TOX2: variants seen among roughly 807,000 people sequenced by gnomAD.
TOX2 encodes the protein TOX high mobility group box family member 2.
TOX2 carries 15 observed loss-of-function variants against 47.4 expected under a neutral mutation model. The observed-to-expected ratio is 0.32, with a 90% CI of 0.21 to 0.49. The LOEUF is 0.49. Ranked by LOEUF, TOX2 falls within the 20% of genes least tolerant of loss-of-function variation. The probability of loss-of-function intolerance (pLI) is 0.99; values close to 1 mark genes in which losing one functional copy is unlikely to be tolerated. For synonymous variants in TOX2, 290 were observed against 296.6 expected, an observed-to-expected ratio of 0.98 and a Z score of 0.23; for missense variants, 622 against 673.1, an observed-to-expected ratio of 0.92 and a Z score of 0.84.
intron 5 of TOX2, among the ~76,000 whole-genome samples, chr20:44,061,519 T>C (rs1233160518): frequency 6.8e-6 from 1 of 148,098 alleles, no homozygotes; most frequent in Admixed American, 6.7e-5. Flanking sequence ...TTATAGTGAA[T>C]GGGGAAAAAT....
At position 43,995,660 on chromosome 20, in the gene TOX2, C is replaced by A. The variant is rs142826498; in HGVS notation, c.166-10887C>A. On this transcript the variant is annotated intron_variant, in intron 2 of 8. Coordinates refer to ENST00000341197, the MANE Select transcript of TOX2 (RefSeq NM_001098797.2). ...CATTAGTTATTTTTTCTGCTCCTCT[C>A]CCTCCTCCCACCCTCAAGTAGAACC... Among the ~76,000 whole-genome samples the A allele has an allele frequency of 7.3e-3, 1,119 of 152,256 alleles. 11 individuals are homozygous for A. Among genetic ancestry groups the A allele is most frequent in the African/African-American group, 0.026 (1,062 of 41,532 alleles).
At chr20:44,013,684 C>A (rs1282437783) in intron 3 of TOX2, among the ~76,000 whole-genome samples, 2 of 152,202 alleles carry the variant, frequency 1.3e-5, no homozygotes, top group Non-Finnish European at 2.9e-5. Flanking sequence ...TTGTTTTGAT[C>A]TGGACTGATT....
intron 2 of TOX2, among the ~76,000 whole-genome samples, chr20:43,980,043 A>G (rs576682891): frequency 6.6e-6 from 1 of 152,360 alleles, no homozygotes; most frequent in African/African-American, 2.4e-5. Flanking sequence ...CCCCAAAGAA[A>G]GGAAATCAGT....
At position 44,006,664 on chromosome 20, in the gene TOX2, C is replaced by T. The variant is rs749031483; in HGVS notation, c.283C>T (p.Leu95=). Residue 95 remains leucine, a synonymous_variant, in exon 3 of 9, where the codon CTG becomes TTG. Coordinates refer to ENST00000341197, the MANE Select transcript of TOX2 (RefSeq NM_001098797.2). ...GGACCACGAAGCCAGCTACCACTCG[C>T]TGTGCCACGGCCTCACCCCCAACGG... The part of the protein sequence containing the change: ...LGDHEASYHS[L]CHGLTPNGLL... 8 of 1,614,132 alleles carry T rather than the reference C, an allele frequency of 5.0e-6. No homozygotes were observed. In the South Asian group the frequency reaches 7.7e-5, roughly 16 times the overall value.
At chr20:44,041,736 A>G (rs1370601366) in intron 3 of TOX2, among the ~76,000 whole-genome samples, 1 of 152,226 alleles carries the variant, frequency 6.6e-6, no homozygotes, top group Non-Finnish European at 1.5e-5. Flanking sequence ...TCCTTCCTGA[A>G]TCGCATCCAG....
chr20:44,019,752 G>A (rs989805660), intron 3 of TOX2, among the ~76,000 whole-genome samples: 4 of 152,134 alleles, frequency 2.6e-5, no homozygotes, highest in African/African-American at 4.8e-5. Flanking sequence ...TAACAAGACC[G>A]CGAGTCAGGA....
At chr20:43,947,693 AT>A (rs1196874059) in intron 1 of TOX2, among the ~76,000 whole-genome samples, 1 of 152,214 alleles carries the variant, frequency 6.6e-6, no homozygotes, top group African/African-American at 2.4e-5. Context: ...CTGACTGGCC[AT>A]TTTGAAAGAG....
chr20:44,035,259 C>T (rs1169829698), intron 3 of TOX2, among the ~76,000 whole-genome samples: 1 of 152,242 alleles, frequency 6.6e-6, no homozygotes, highest in Admixed American at 6.5e-5. Flanking sequence ...AGAGCCTTCC[C>T]CTACTCTGGC....
chr20:44,051,072 G>T (rs748127330), intron 3 of TOX2, among the ~76,000 whole-genome samples: 1 of 152,230 alleles, frequency 6.6e-6, no homozygotes, highest in Non-Finnish European at 1.5e-5. Flanking sequence ...CGAGGTGAAT[G>T]TCAGTAGAAT....
At chr20:43,988,048 T>C (rs1319503044) in intron 2 of TOX2, among the ~76,000 whole-genome samples, 1 of 150,812 alleles carries the variant, frequency 6.6e-6, no homozygotes, top group Non-Finnish European at 1.5e-5. Flanking sequence ...GCCTCCTGAG[T>C]AGCGGGGATT....
intron 3 of TOX2, among the ~76,000 whole-genome samples, chr20:44,035,839 C>T (rs894615991): frequency 1.3e-5 from 2 of 152,234 alleles, no homozygotes; most frequent in African/African-American, 4.8e-5. Context: ...TAGGGGAGCA[C>T]TCTCAGGAAC....
rs1224251966 is a variant in TOX2 at position 44,068,725 on chromosome 20, A to T, written c.*39A>T. ...CCATCCCTGAGGCTCGCTGGAAGGC[A>T]CTGCTCAGAGCCTGAAGGGCTGACA... On this transcript the variant is annotated 3_prime_UTR_variant, in exon 9 of 9. Coordinates refer to ENST00000341197, the MANE Select transcript of TOX2 (RefSeq NM_001098797.2). The T allele has an allele frequency of 6.2e-7, 1 of 1,613,434 alleles. No individual in the cohort carries two copies. The highest frequency in any genetic ancestry group is 1.1e-5 in the South Asian group (1 of 90,998).
At chr20:44,037,901 AC>A (rs1234463468) in intron 3 of TOX2, among the ~76,000 whole-genome samples, 3 of 152,140 alleles carry the variant, frequency 2.0e-5, no homozygotes, top group Admixed American at 1.3e-4. Flanking sequence ...AGAGGTTGGA[AC>A]CGTTTGGAGG....
chr20:43,917,139 T>A (rs1455854171), intron 1 of TOX2, among the ~76,000 whole-genome samples: 1 of 152,178 alleles, frequency 6.6e-6, no homozygotes, highest in African/African-American at 2.4e-5. Flanking sequence ...ATGTGAAATC[T>A]GCTACTCAGT....
chr20:43,975,043 G>T lies in TOX2; in HGVS notation c.165+1611G>T, dbSNP rs1370857628. 2.6e-5 allele frequency among the ~76,000 whole-genome samples: 4 copies of T among 152,252 alleles called. No individual in the cohort carries two copies. The South Asian group carries it at 8.3e-4, about 31-fold the overall frequency. On this transcript the variant is annotated intron_variant, in intron 2 of 8. Coordinates refer to ENST00000341197, the MANE Select transcript of TOX2 (RefSeq NM_001098797.2). ...ATTTAATTGTACATAATCAACTGAA[G>T]TCTCATCTCAGCAGACCAGAGTTAG...
intron 3 of TOX2, among the ~76,000 whole-genome samples, chr20:44,016,547 G>T (rs1169582491): frequency 2.0e-5 from 3 of 152,136 alleles, no homozygotes; most frequent in African/African-American, 4.8e-5. Flanking sequence ...CCTGTGCCTT[G>T]TAGGATGTCT....
chr20:43,959,314 C>A (rs2069718709), intron 1 of TOX2, among the ~76,000 whole-genome samples: 1 of 152,228 alleles, frequency 6.6e-6, no homozygotes, highest in African/African-American at 2.4e-5. Flanking sequence ...CACCAGTGTT[C>A]TCGCAGCTCC....
chr20:44,018,742 G>C (rs2070926792), intron 3 of TOX2, among the ~76,000 whole-genome samples: 1 of 152,200 alleles, frequency 6.6e-6, no homozygotes. Flanking sequence ...CCAGGAGAGA[G>C]TGTCGGGGGA....
intron 1 of TOX2, among the ~76,000 whole-genome samples, chr20:43,958,247 T>G (rs555787765): frequency 2.0e-5 from 3 of 152,340 alleles, no homozygotes; most frequent in African/African-American, 7.2e-5. Context: ...TCACGGAATG[T>G]TTCACTCTCT....
Sources: gnomAD v4.1 joint callset for allele counts (sites outside exome capture counted in the v4.1 genomes callset) on GRCh38, gnomAD v4.1.1 for gene constraint, MANE v1.5 for transcripts, NCBI Gene and HGNC (gene_info 2026-07-23, HGNC 2026-07-21) for gene names.